Variants in TBL1XR1 observed in about 807,000 individuals in gnomAD.
TBL1XR1 encodes F-box-like/WD repeat-containing protein TBL1XR1.
A neutral mutation model predicts 66.9 loss-of-function variants in TBL1XR1; 5 were observed. That is an observed-to-expected ratio of 0.07 (90% CI 0.04 to 0.16). The LOEUF (loss-of-function observed/expected upper bound fraction) is 0.16, where lower values mean the gene tolerates loss of function less well. Ranked by LOEUF, TBL1XR1 falls within the 10% of genes least tolerant of loss-of-function variation. The pLI, the probability that TBL1XR1 is intolerant of heterozygous loss-of-function variation, is 1.00. For missense variants in TBL1XR1, 238 were observed against 623.2 expected, an observed-to-expected ratio of 0.38 and a Z score of 6.58; for synonymous variants, 210 against 206.0, an observed-to-expected ratio of 1.02 and a Z score of -0.17.
At chr3:177,033,373 C>T (rs1474081269) in intron 13 of TBL1XR1, among the ~76,000 whole-genome samples, 3 of 151,890 alleles carry the variant, frequency 2.0e-5, no homozygotes, top group East Asian at 1.9e-4. Context: ...GCTAAACAAG[C>T]GAAAAAAACA....
chr3:177,191,912 G>A (rs1362097773), intron 1 of TBL1XR1, among the ~76,000 whole-genome samples: 9 of 149,122 alleles, frequency 6.0e-5, no homozygotes, highest in Admixed American at 5.4e-4. Flanking sequence ...GACCAACATG[G>A]TGAAACCCCA....
intron 1 of TBL1XR1, among the ~76,000 whole-genome samples, chr3:177,162,955 C>T (rs1174430373): frequency 1.3e-5 from 2 of 152,184 alleles, no homozygotes; most frequent in Admixed American, 6.5e-5. Flanking sequence ...GGAATGTAAA[C>T]CGGTACAGCC....
chr3:177,122,040 GA>G (rs1312891420), intron 1 of TBL1XR1, among the ~76,000 whole-genome samples: 3 of 152,048 alleles, frequency 2.0e-5, no homozygotes, highest in Non-Finnish European at 4.4e-5. Context: ...ATGTGAAGGT[GA>G]AACCATGAAG....
At position 177,047,564 on chromosome 3, in the gene TBL1XR1, C is replaced by T; in HGVS notation, c.703-15G>A. 6.2e-7 allele frequency: 1 copy of T among 1,609,646 alleles called. No homozygotes were observed. The highest frequency in any genetic ancestry group is 8.5e-7 in the Non-Finnish European group (1 of 1,177,162). On this transcript the variant is annotated splice_polypyrimidine_tract_variant and intron_variant, in intron 7 of 15. Transcript: ENST00000457928. ...GTACCTTCACTCTGCCAGAGAAAAACATTTCTTTAATTATATAATCTAGAT... is the reference window on the plus strand; with the variant it reads ...GTACCTTCACTCTGCCAGAGAAAAATATTTCTTTAATTATATAATCTAGAT...
At position 177,143,758 on chromosome 3, in the gene TBL1XR1, T is replaced by C. The variant is rs543466686; in HGVS notation, c.-121-45217A>G. The stretch of plus-strand genomic sequence containing the variant: ...AATTCAGTGAGGGTACAGCTAATTA[T>C]ATAAGATGGGTCTCTGATAGTTCAT... On this transcript the variant is annotated intron_variant, in intron 1 of 15. Transcript: ENST00000457928. Among the ~76,000 whole-genome samples the C allele has an allele frequency of 7.7e-4, 118 of 152,390 alleles. 1 individual carries two copies. In the South Asian group the frequency reaches 0.023, roughly 30 times the overall value.
chr3:177,085,969 T>C (rs917150350), intron 2 of TBL1XR1, among the ~76,000 whole-genome samples: 1 of 152,082 alleles, frequency 6.6e-6, no homozygotes, highest in African/African-American at 2.4e-5. Context: ...GTATATGATA[T>C]GGAATCACTT....
chr3:177,036,155 G>C (rs1429677549), intron 12 of TBL1XR1, among the ~76,000 whole-genome samples: 1 of 152,176 alleles, frequency 6.6e-6, no homozygotes, highest in Admixed American at 6.5e-5. Context: ...TTTCCAAGAA[G>C]ATATGTGTCT....
intron 2 of TBL1XR1, among the ~76,000 whole-genome samples, chr3:177,081,881 A>T (rs1721444505): frequency 6.6e-6 from 1 of 152,126 alleles, no homozygotes; most frequent in Non-Finnish European, 1.5e-5. Context: ...GTCTAACTGA[A>T]CTATTGTTTC....
chr3:177,145,423 G>C (rs1312333649), intron 1 of TBL1XR1, among the ~76,000 whole-genome samples: 1 of 152,066 alleles, frequency 6.6e-6, no homozygotes, highest in African/African-American at 2.4e-5. Context: ...ATGGAATACA[G>C]AGACCTGACA....
intron 1 of TBL1XR1, among the ~76,000 whole-genome samples, chr3:177,180,270 C>T (rs527700764): frequency 2.1e-5 from 3 of 142,370 alleles, no homozygotes; most frequent in African/African-American, 7.8e-5. Flanking sequence ...ATACCCACTA[C>T]AAGAAACAGA....
At chr3:177,066,528 C>G (rs1719187481) in intron 2 of TBL1XR1, among the ~76,000 whole-genome samples, 1 of 152,156 alleles carries the variant, frequency 6.6e-6, no homozygotes. Context: ...AAACTATATT[C>G]AGGAGGACCT....
chr3:177,127,214 G>A (rs1309959223), intron 1 of TBL1XR1, among the ~76,000 whole-genome samples: 1 of 152,124 alleles, frequency 6.6e-6, no homozygotes, highest in Non-Finnish European at 1.5e-5. Flanking sequence ...AGCTCAACTT[G>A]TATATCTAGT....
Position 177,050,578 on chromosome 3 carries a change from C to G in TBL1XR1, c.460G>C (p.Asp154His). 1 of 1,613,780 alleles carries G rather than the reference C, an allele frequency of 6.2e-7. No homozygotes were observed. The highest frequency in any genetic ancestry group is 1.3e-5 in the African/African-American group (1 of 75,030). Residue 154 changes from aspartate (D) to histidine (H), a missense_variant, in exon 6 of 16, where the codon GAT (aspartate) becomes CAT (histidine). This residue lies in a region of TBL1XR1 where 80 missense variants were observed against 100.5 expected (regional missense o/e 0.80). Coordinates refer to ENST00000457928, the MANE Select transcript of TBL1XR1 (RefSeq NM_024665.7). ...GCTTTATTAGGAGGGATTTCAACAT[C>G]CCCATCCACTTCCATCATATCAGTA... ...NHTDMMEVDG[D>H]VEIPPNKAVV...
At chr3:177,030,874 G>A (rs755217614) in intron 14 of TBL1XR1, among the ~76,000 whole-genome samples, 26 of 152,322 alleles carry the variant, frequency 1.7e-4, no homozygotes, top group Admixed American at 5.2e-4. Flanking sequence ...CACTTTGGGA[G>A]GCCAAGGCGG....
chr3:177,129,807 T>A (rs1728068309), intron 1 of TBL1XR1, among the ~76,000 whole-genome samples: 1 of 152,134 alleles, frequency 6.6e-6, no homozygotes, highest in South Asian at 2.1e-4. Flanking sequence ...GAAATATCAA[T>A]AACTACAACC....
intron 2 of TBL1XR1, among the ~76,000 whole-genome samples, chr3:177,094,990 A>G (rs530520405): frequency 1.8e-4 from 27 of 151,990 alleles, no homozygotes; most frequent in Non-Finnish European, 2.8e-4. Context: ...GAATAAAAAA[A>G]TAAAGAAAAT....
chr3:177,051,082 T>C (rs999782678), intron 5 of TBL1XR1, among the ~76,000 whole-genome samples: 2 of 152,130 alleles, frequency 1.3e-5, no homozygotes, highest in Admixed American at 1.3e-4. Flanking sequence ...CATTTAACAA[T>C]GGGAAAAGGG....
chr3:177,198,865 GACACACACACACAC>G (rs57636923), upstream of TBL1XR1, among the ~76,000 whole-genome samples: 9,775 of 147,934 alleles, frequency 0.066, 361 homozygotes, highest in Middle Eastern at 0.092. Flanking sequence ...GAAGTTTTGC[GACACACACACACAC>G]ACACACACAC....
chr3:177,135,533 G>A (rs11720833), intron 1 of TBL1XR1, among the ~76,000 whole-genome samples: 10,389 of 150,004 alleles, frequency 0.069, 535 homozygotes, highest in Admixed American at 0.17. Context: ...ACAGGCGCCC[G>A]CCACCACGCC....
Sources: allele counts gnomAD v4.1 joint callset (sites outside exome capture counted in the v4.1 genomes callset), GRCh38; gene constraint gnomAD v4.1.1; regional missense constraint gnomAD v4.1.1; transcripts MANE v1.5; gene names NCBI Gene and HGNC (gene_info 2026-07-23, HGNC 2026-07-21).